Variants in GOLPH3L observed in about 807,000 individuals in gnomAD.
GOLPH3L encodes the protein golgi phosphoprotein 3 like, also known as Golgi phosphoprotein 3-like.
A neutral mutation model predicts 30.3 loss-of-function variants in GOLPH3L; 22 were observed. That is an observed-to-expected ratio of 0.73 (90% CI 0.52 to 1.04). The LOEUF (loss-of-function observed/expected upper bound fraction) is 1.04. Among genes scored for constraint, GOLPH3L ranks in the 50% least tolerant of loss-of-function variants. The probability of loss-of-function intolerance (pLI) is 0.00; values close to 1 mark genes in which losing one functional copy is unlikely to be tolerated. For missense variants in GOLPH3L, 303 were observed against 345.8 expected (o/e 0.88, Z 0.98); for synonymous variants, 120 against 128.2 (o/e 0.94, Z 0.43).
At chr1:150,673,926 CAA>C (rs71086590) in intron 2 of GOLPH3L, among the ~76,000 whole-genome samples, 11 of 98,564 alleles carry the variant, frequency 1.1e-4, no homozygotes, top group African/African-American at 1.3e-4. Context: ...CTCCCATCTC[CAA>C]AAAAAAAAAA....
chr1:150,667,440 C>T (rs1650532215), intron 2 of GOLPH3L, among the ~76,000 whole-genome samples: 1 of 152,108 alleles, frequency 6.6e-6, no homozygotes, highest in Non-Finnish European at 1.5e-5. Flanking sequence ...ACATTCCTCT[C>T]AGCCTTCAGG....
intron 2 of GOLPH3L, among the ~76,000 whole-genome samples, chr1:150,687,044 G>A (rs1419971554): frequency 1.3e-5 from 2 of 152,056 alleles, no homozygotes; most frequent in Non-Finnish European, 2.9e-5. Context: ...AGTAGCTACT[G>A]GGAGACTTAT....
chr1:150,654,520 CAAA>C (rs1342630286), intron 4 of GOLPH3L, among the ~76,000 whole-genome samples: 1 of 148,808 alleles, frequency 6.7e-6, no homozygotes, highest in Non-Finnish European at 1.5e-5. Context: ...AAAAAAAAAA[CAAA>C]AAAACAAAAA....
At chr1:150,686,147 A>AAT (rs1651081799) in intron 2 of GOLPH3L, among the ~76,000 whole-genome samples, 2 of 152,112 alleles carry the variant, frequency 1.3e-5, no homozygotes, top group African/African-American at 2.4e-5. Context: ...TGCTAGGATT[A>AAT]CAGGCGTGAG....
rs749986631 is a variant in GOLPH3L, at chr1:150,694,648, T to A, written c.183+8A>T. 1.3e-5 allele frequency: 20 copies of A among 1,562,238 alleles called. No individual in the cohort carries two copies. Among genetic ancestry groups the A allele is most frequent in the Non-Finnish European group, 1.7e-5 (19 of 1,148,246 alleles). ...TTTGAGATAGCCTAGCAAACCTAACTGCATTACCTCTTTATCTTTTAGTCC... is the reference window on the plus strand; with the variant it reads ...TTTGAGATAGCCTAGCAAACCTAACAGCATTACCTCTTTATCTTTTAGTCC... On this transcript the variant is annotated splice_region_variant and intron_variant, in intron 2 of 4. Transcript: ENST00000271732.
rs924872302 is a variant in GOLPH3L, at chr1:150,675,927, AT to A, written c.184-12165del. Among the ~76,000 whole-genome samples, 32 of 149,674 alleles carry A rather than the reference AT, an allele frequency of 2.1e-4. 1 individual carries two copies. In the East Asian group the frequency reaches 2.3e-3, roughly 11 times the overall value. The stretch of plus-strand genomic sequence containing the variant: ...AATGTGGTAAGAAAACACAACCCCA[AT>A]TTTTTTTTAACATTTTTGATTGAAC... On this transcript the variant is annotated intron_variant, in intron 2 of 4. Transcript: ENST00000271732.
chr1:150,664,260 T>C (rs1441691046), intron 2 of GOLPH3L, among the ~76,000 whole-genome samples: 1 of 152,134 alleles, frequency 6.6e-6, no homozygotes, highest in Non-Finnish European at 1.5e-5. Context: ...CACCTTGGCC[T>C]CCGAAAGTGT....
chr1:150,677,106 T>G (rs1650823343), intron 2 of GOLPH3L, among the ~76,000 whole-genome samples: 1 of 150,422 alleles, frequency 6.6e-6, no homozygotes, highest in Non-Finnish European at 1.5e-5. Context: ...AGTCTCACTC[T>G]GTCACCCAAG....
At position 150,663,363 on chromosome 1, in the gene GOLPH3L, A is replaced by C. The variant is rs1650418955; in HGVS notation, c.315+269T>G. ...CTATTTCATAATGTTATAGCTATAGATATAGGAGGAATTTAATCAACAGCA... is the reference window on the plus strand; with the variant it reads ...CTATTTCATAATGTTATAGCTATAGCTATAGGAGGAATTTAATCAACAGCA... On this transcript the variant is annotated intron_variant, in intron 3 of 4. Transcript: ENST00000271732. Among the ~76,000 whole-genome samples, 8 of 152,184 alleles carry C rather than the reference A, an allele frequency of 5.3e-5. No individual in the cohort carries two copies. In the South Asian group the frequency reaches 1.7e-3, roughly 32 times the overall value.
intron 4 of GOLPH3L, among the ~76,000 whole-genome samples, chr1:150,654,280 G>T (rs1650191120): frequency 1.3e-5 from 2 of 151,708 alleles, no homozygotes; most frequent in Admixed American, 1.3e-4. Flanking sequence ...GCCAAGGTGG[G>T]TGAGTCACTT....
chr1:150,681,913 A>G (rs1650959992), intron 2 of GOLPH3L, among the ~76,000 whole-genome samples: 1 of 152,088 alleles, frequency 6.6e-6, no homozygotes, highest in African/African-American at 2.4e-5. Flanking sequence ...CTAAAAATAC[A>G]AAAATTAGCT....
intron 2 of GOLPH3L, among the ~76,000 whole-genome samples, chr1:150,685,803 G>A (rs778401067): frequency 6.6e-6 from 1 of 151,512 alleles, no homozygotes; most frequent in African/African-American, 2.4e-5. Context: ...AACAGTTAAC[G>A]ATCCTGAACA....
rs1650038230 is a variant in GOLPH3L, at chr1:150,648,682, T to A, written c.497A>T (p.Asn166Ile). 2.5e-6 allele frequency: 4 copies of A among 1,612,578 alleles called. No homozygotes were observed. The highest frequency in any genetic ancestry group is 2.7e-5 in the African/African-American group (2 of 75,004). Reference sequence around the variant, plus strand: ...GGTTAGAATACCTTTCTCTACTAGGTTCTTTGCGATGCGCTCTCGTACATT... The same window carrying A: ...GGTTAGAATACCTTTCTCTACTAGGATCTTTGCGATGCGCTCTCGTACATT... ...LRNVRERIAK[N>I]LVEKGILTTE... The change falls in exon 5 of 5, where the codon AAC becomes ATC. Residue 166 changes from asparagine (N) to isoleucine (I), a missense_variant. Transcript: ENST00000271732.
intron 4 of GOLPH3L, among the ~76,000 whole-genome samples, chr1:150,656,346 A>G (rs1650240917): frequency 6.6e-6 from 1 of 152,168 alleles, no homozygotes; most frequent in African/African-American, 2.4e-5. Flanking sequence ...TTCAAAAATT[A>G]CTAGGGGACA....
At chr1:150,681,958 C>T (rs1446788697) in intron 2 of GOLPH3L, among the ~76,000 whole-genome samples, 2 of 151,966 alleles carry the variant, frequency 1.3e-5, no homozygotes, top group East Asian at 3.9e-4. Flanking sequence ...CCCATCTACT[C>T]TGGTAACTGA....
intron 2 of GOLPH3L, among the ~76,000 whole-genome samples, chr1:150,666,659 T>C (rs587693526): frequency 2.2e-4 from 33 of 152,268 alleles, no homozygotes; most frequent in African/African-American, 7.7e-4. Context: ...TTAAAAAATA[T>C]CCGGCTTCCT....
At chr1:150,695,490 T>C (rs587671862) in intron 1 of GOLPH3L, among the ~76,000 whole-genome samples, 3 of 152,074 alleles carry the variant, frequency 2.0e-5, no homozygotes, top group South Asian at 2.1e-4. Context: ...ATATCCACCA[T>C]TGTCACTCCT....
chr1:150,652,595 C>T (rs924974926), intron 4 of GOLPH3L, among the ~76,000 whole-genome samples: 2 of 151,780 alleles, frequency 1.3e-5, no homozygotes, highest in Non-Finnish European at 2.9e-5. Flanking sequence ...TTTGAATCCA[C>T]GTGAACAAAC....
At chr1:150,649,281 A>G (rs1650052059) in intron 4 of GOLPH3L, among the ~76,000 whole-genome samples, 1 of 152,240 alleles carries the variant, frequency 6.6e-6, no homozygotes, top group Admixed American at 6.5e-5. Flanking sequence ...TCTTTCCCCC[A>G]GCACCTACTC....
Sources: gnomAD v4.1 joint callset for allele counts (sites outside exome capture counted in the v4.1 genomes callset) on GRCh38, gnomAD v4.1.1 for gene constraint, MANE v1.5 for transcripts, NCBI Gene and HGNC (gene_info 2026-07-23, HGNC 2026-07-21) for gene names.